The following CSPP1 variants were observed in gnomAD, a reference collection of about 807,000 sequenced individuals.
CSPP1 encodes centrosome and spindle pole associated protein 1.
A neutral mutation model predicts 164.4 loss-of-function variants in CSPP1; 126 were observed. The ratio of observed to expected loss-of-function variants is 0.77; its 90% confidence interval spans 0.66 to 0.89. The LOEUF (loss-of-function observed/expected upper bound fraction) is 0.89, where lower values mean the gene tolerates loss of function less well. CSPP1 is among the 40% of genes least tolerant of loss of function. The probability of loss-of-function intolerance (pLI) is 0.00; values close to 1 mark genes in which losing one functional copy is unlikely to be tolerated. For synonymous variants in CSPP1, 472 were observed against 476.7 expected, an observed-to-expected ratio of 0.99 and a Z score of 0.13; for missense variants, 1,395 against 1,449.8, an observed-to-expected ratio of 0.96 and a Z score of 0.61.
chr8:67,139,915 G>T (rs1823154476), intron 17 of CSPP1, among the ~76,000 whole-genome samples: 2 of 152,110 alleles, frequency 1.3e-5, no homozygotes, highest in South Asian at 4.2e-4. Flanking sequence ...AATGGGTGCA[G>T]CACACCAACA....
intron 15 of CSPP1, among the ~76,000 whole-genome samples, chr8:67,131,742 A>G (rs1171361554): frequency 6.6e-6 from 1 of 152,252 alleles, no homozygotes; most frequent in African/African-American, 2.4e-5. Context: ...AAATAGATAC[A>G]GTGAATTTGA....
intron 3 of CSPP1, among the ~76,000 whole-genome samples, chr8:67,081,409 G>A (rs911362181): frequency 6.6e-6 from 1 of 151,730 alleles, no homozygotes; most frequent in African/African-American, 2.4e-5. Flanking sequence ...TTACACATAG[G>A]ATGTACATGA....
chr8:67,118,381 A>G lies in CSPP1; in HGVS notation c.1618+12A>G, dbSNP rs368578567. The G allele has an allele frequency of 7.4e-6, 12 of 1,613,172 alleles. No homozygotes were observed. The highest frequency in any genetic ancestry group is 1.1e-5 in the South Asian group (1 of 90,978). ...CAGTCTTGCTTATTGTAAGTTATCT[A>G]TAGGGTAAGCATTTTCTCCCCGCTT... On this transcript the variant is annotated intron_variant, in intron 14 of 30. Transcript: ENST00000678616.
intron 9 of CSPP1, among the ~76,000 whole-genome samples, chr8:67,108,603 A>G (rs986104331): frequency 8.6e-5 from 13 of 152,034 alleles, no homozygotes; most frequent in Non-Finnish European, 1.9e-4. Flanking sequence ...CAAGACCTTC[A>G]TGTCCTTGAC....
chr8:67,126,756 T>A (rs955874843), intron 15 of CSPP1, among the ~76,000 whole-genome samples: 1 of 152,176 alleles, frequency 6.6e-6, no homozygotes, highest in Non-Finnish European at 1.5e-5. Context: ...GGGCATGTTA[T>A]TTCCCAGATT....
At position 67,195,673 on chromosome 8, in the gene CSPP1, T is replaced by A; in HGVS notation, c.*80T>A. 1 of 1,265,002 alleles carries A rather than the reference T, an allele frequency of 7.9e-7. No individual in the cohort carries two copies. 78.4% of individuals were successfully genotyped at this position (1,265,002 alleles called of 1,614,324 possible). ...CTGTACCTTTAATATGTCCTACTTT[T>A]GGCCCCTACCTGAAAGTTACTTTTT... is the stretch of plus-strand genomic sequence containing the variant. On this transcript the variant is annotated 3_prime_UTR_variant, in exon 31 of 31. Coordinates refer to ENST00000678616, the MANE Select transcript of CSPP1 (RefSeq NM_001382391.1).
In CSPP1 at chr8:67,195,677, C is replaced by G. The variant is rs886568987; in HGVS notation, c.*84C>G. ...ACCTTTAATATGTCCTACTTTTGGCCCCTACCTGAAAGTTACTTTTTTTCC... is the reference window on the plus strand; with the variant it reads ...ACCTTTAATATGTCCTACTTTTGGCGCCTACCTGAAAGTTACTTTTTTTCC... On this transcript the variant is annotated 3_prime_UTR_variant, in exon 31 of 31. Transcript: ENST00000678616. 3 of 1,211,028 alleles carry G rather than the reference C, an allele frequency of 2.5e-6. No individual in the cohort carries two copies. In the African/African-American group the frequency reaches 4.6e-5, roughly 19 times the overall value. The allele number at this position is 1,211,028 out of a possible 1,614,324, so 75.0% of individuals were successfully genotyped here. A position where few individuals can be genotyped will look rare whatever the true frequency, so the allele number is the denominator to read the frequency against.
chr8:67,118,801 C>T lies in CSPP1; in HGVS notation c.1677C>T (p.His559=), dbSNP rs751492469. ...PAAYVSAPVT[H]QLAQPVVNTV... ...CTTATGTTAGTGCTCCTGTCACCCA[C>T]CAACTAGCACAACCTGTTGTGTAAG... Residue 559 remains histidine (H), a synonymous_variant, in exon 15 of 31, where the codon CAC becomes CAT. Transcript: ENST00000678616. 30 of 1,609,524 alleles carry T rather than the reference C, an allele frequency of 1.9e-5. No individual in the cohort carries two copies. The highest frequency in any genetic ancestry group is 1.6e-4 in the Middle Eastern group (1 of 6,076).
chr8:67,066,825 G>A (rs959507152), intron 1 of CSPP1, among the ~76,000 whole-genome samples: 13 of 152,032 alleles, frequency 8.6e-5, no homozygotes, highest in African/African-American at 2.9e-4. Context: ...GTCTCACTCT[G>A]TTACCCATGC....
intron 6 of CSPP1, among the ~76,000 whole-genome samples, chr8:67,095,069 C>T (rs959349707): frequency 1.3e-5 from 2 of 152,052 alleles, no homozygotes; most frequent in African/African-American, 2.4e-5. Flanking sequence ...GCTTGTTTAT[C>T]CATTCCCCTG....
At position 67,195,512 on chromosome 8, in the gene CSPP1, G is replaced by C. The variant is rs760074883; in HGVS notation, c.3600G>C (p.Glu1200Asp). The C allele has an allele frequency of 6.2e-7, 1 of 1,614,206 alleles. No individual in the cohort carries two copies. ...TSETLKRFMA[E>D]QLNQEQQQIP... Reference sequence around the variant, plus strand: ...AAACGCTGAAACGTTTCATGGCAGAGCAGCTGAACCAGGAGCAGCAGCAGA... The same window carrying C: ...AAACGCTGAAACGTTTCATGGCAGACCAGCTGAACCAGGAGCAGCAGCAGA... The change falls in exon 31 of 31, where the codon GAG (glutamate) becomes GAC (aspartate). Residue 1200 changes from glutamate (E) to aspartate (D), a missense_variant. By Grantham distance (45) the Glu-to-Asp change is conservative. Coordinates refer to ENST00000678616, the MANE Select transcript of CSPP1 (RefSeq NM_001382391.1).
intron 10 of CSPP1, 146 bp from the exon 11 acceptor site, chr8:67,113,658 AT>A (rs1817341726): frequency 2.1e-6 from 1 of 483,078 alleles, no homozygotes; most frequent in South Asian, 4.0e-5. Flanking sequence ...TTTCAGTATT[AT>A]TTAAGGCTGT....
chr8:67,149,670 C>A, intron 17 of CSPP1, 113 bp from the exon 18 acceptor site: 1 of 661,414 alleles, frequency 1.5e-6, no homozygotes, highest in Non-Finnish European at 2.4e-6. Context: ...TGAATTATTC[C>A]CAACTTTGTC....
intron 3 of CSPP1, among the ~76,000 whole-genome samples, chr8:67,084,972 CTATT>C (rs751013363): frequency 2.6e-5 from 4 of 152,036 alleles, no homozygotes; most frequent in Non-Finnish European, 5.9e-5. Context: ...TAACATTTAC[CTATT>C]TAAAGTGTAC....
intron 16 of CSPP1, among the ~76,000 whole-genome samples, chr8:67,136,369 G>A (rs1033377616): frequency 1.3e-5 from 2 of 152,012 alleles, no homozygotes; most frequent in Non-Finnish European, 2.9e-5. Flanking sequence ...AGGAGATTGA[G>A]ACCATCCTGG....
At chr8:67,121,935 A>G (rs1322036390) in intron 15 of CSPP1, among the ~76,000 whole-genome samples, 4 of 151,942 alleles carry the variant, frequency 2.6e-5, no homozygotes, top group Non-Finnish European at 4.4e-5. Context: ...AGGTTATCCG[A>G]TTTGTTGGCA....
intron 4 of CSPP1, chr8:67,086,826 A>G: frequency 2.2e-6 from 3 of 1,359,742 alleles, no homozygotes; most frequent in South Asian, 2.3e-5. Context: ...ACTTTAGGGC[A>G]TTACACAAGG....
intron 17 of CSPP1, among the ~76,000 whole-genome samples, chr8:67,142,362 C>T (rs1388256736): frequency 2.6e-5 from 4 of 152,180 alleles, no homozygotes; most frequent in African/African-American, 9.7e-5. Context: ...ATTAGTTAGT[C>T]AGTTCTCTTA....
At position 67,149,698 on chromosome 8, in the gene CSPP1, G is replaced by T. The variant is rs754983001; in HGVS notation, c.1976-85G>T. The T allele has an allele frequency of 3.8e-5, 36 of 948,976 alleles. 1 individual carries two copies. The Middle Eastern group carries it at 1.2e-3, about 32-fold the overall frequency. 58.8% of individuals were successfully genotyped at this position (948,976 alleles called of 1,614,324 possible). A position where few individuals can be genotyped will look rare whatever the true frequency, so the allele number is the denominator to read the frequency against. ...ACTTTGTCCTATTGTTTTTCTTTCT[G>T]ACTTCCTATTTTAAGAAAATATATT... On this transcript the variant is annotated intron_variant, in intron 17 of 30. Transcript: ENST00000678616.
Sources: allele counts gnomAD v4.1 joint callset (sites outside exome capture counted in the v4.1 genomes callset), GRCh38; gene constraint gnomAD v4.1.1; transcripts MANE v1.5; gene names NCBI Gene and HGNC (gene_info 2026-07-23, HGNC 2026-07-21).